Variants in DYNAP observed in about 807,000 individuals in gnomAD.
DYNAP encodes the protein dynactin associated protein.
Under a neutral mutation model 8.5 loss-of-function variants are expected in DYNAP, and 7 were observed. That is an observed-to-expected ratio of 0.82 (90% confidence interval 0.47 to 1.54). The LOEUF (loss-of-function observed/expected upper bound fraction) is 1.54. Among genes scored for constraint, DYNAP ranks in the 40% most tolerant of loss-of-function variants. The pLI, the probability that DYNAP is intolerant of heterozygous loss-of-function variation, is 0.01. For missense variants in DYNAP, 256 were observed against 224.3 expected, an observed-to-expected ratio of 1.14 and a Z score of -0.90; for synonymous variants, 77 against 77.9, an observed-to-expected ratio of 0.99 and a Z score of 0.06.
upstream of DYNAP, among the ~76,000 whole-genome samples, chr18:54,585,408 T>C (rs1385060321): frequency 6.6e-6 from 1 of 152,064 alleles, no homozygotes; most frequent in Admixed American, 6.6e-5. Flanking sequence ...AATACCGATT[T>C]TCATTCTAGC....
At chr18:54,589,286 A>T (rs1212552481), upstream of DYNAP, among the ~76,000 whole-genome samples, 1 of 152,116 alleles carries the variant, frequency 6.6e-6, no homozygotes, top group Non-Finnish European at 1.5e-5. Context: ...CAAGACTTTC[A>T]GATTTCTTTT....
chr18:54,581,049 G>T, the DYNAP span, among the ~76,000 whole-genome samples: 2 of 152,132 alleles, frequency 1.3e-5, no homozygotes, highest in South Asian at 4.1e-4. Context: ...TTCAGCAGTG[G>T]AAATGCAGTT....
chr18:54,577,838 G>A, the DYNAP span, among the ~76,000 whole-genome samples: 2 of 151,706 alleles, frequency 1.3e-5, no homozygotes, highest in African/African-American at 2.4e-5. Flanking sequence ...ACGGTGGCAG[G>A]TGCCTGTAGT....
chr18:54,582,243 A>C, the DYNAP span, among the ~76,000 whole-genome samples: 1 of 152,150 alleles, frequency 6.6e-6, no homozygotes, highest in Admixed American at 6.5e-5. Context: ...CGGAGATCGC[A>C]TCACTGCATT....
At chr18:54,584,678 G>A (rs1910817361), upstream of DYNAP, among the ~76,000 whole-genome samples, 1 of 152,202 alleles carries the variant, frequency 6.6e-6, no homozygotes, top group South Asian at 2.1e-4. Flanking sequence ...GGTAGGAAGA[G>A]AGAGAAGGGC....
chr18:54,590,361 C>A (rs943669602), upstream of DYNAP, among the ~76,000 whole-genome samples: 7 of 152,074 alleles, frequency 4.6e-5, no homozygotes, highest in Admixed American at 2.0e-4. Context: ...CTCTTTAGAA[C>A]AATTTTTTTT....
At chr18:54,595,146 T>C (rs1167124575) in intron 2 of DYNAP, 43 bp downstream of exon 2, 1 of 1,571,912 alleles carries the variant, frequency 6.4e-7, no homozygotes, top group Admixed American at 1.8e-5. Context: ...TGGGATGTGC[T>C]CTATATGGGC....
chr18:54,586,723 G>GA (rs1323042878), upstream of DYNAP, among the ~76,000 whole-genome samples: 2 of 152,102 alleles, frequency 1.3e-5, no homozygotes, highest in African/African-American at 4.8e-5. Flanking sequence ...CTCTAATCTT[G>GA]AGTTTGTAAA....
chr18:54,592,882 A>G lies in DYNAP; in HGVS notation c.57+1543A>G, dbSNP rs552612779. 3.9e-5 allele frequency among the ~76,000 whole-genome samples: 6 copies of G among 152,246 alleles called. No individual in the cohort carries two copies. The South Asian group carries it at 1.0e-3, about 26-fold the overall frequency. On this transcript the variant is annotated intron_variant, in intron 1 of 2. Transcript: ENST00000648945. Reference sequence around the variant, plus strand: ...GGCTGGGATTCTAACAGGGCCAGAAAATTCTGGGAAACTGCCCCACTGAGT... The same window carrying G: ...GGCTGGGATTCTAACAGGGCCAGAAGATTCTGGGAAACTGCCCCACTGAGT...
chr18:54,597,504 CTG>C (rs1911345087), intron 2 of DYNAP, among the ~76,000 whole-genome samples: 2 of 152,130 alleles, frequency 1.3e-5, no homozygotes, highest in Admixed American at 6.6e-5. Flanking sequence ...TGGGAAATCT[CTG>C]TATTTCCTGC....
upstream of DYNAP, among the ~76,000 whole-genome samples, chr18:54,588,391 G>T (rs1434112920): frequency 1.3e-5 from 2 of 151,872 alleles, no homozygotes; most frequent in Non-Finnish European, 2.9e-5. Flanking sequence ...TTTTTTTAGA[G>T]ACAGGGTTTC....
chr18:54,595,095 A>C lies in DYNAP; in HGVS notation c.214A>C (p.Asn72His). 6.2e-7 allele frequency: 1 copy of C among 1,611,552 alleles called. No individual in the cohort carries two copies. Among genetic ancestry groups the C allele is most frequent in the Non-Finnish European group, 8.5e-7 (1 of 1,178,482 alleles). Residue 72 changes from asparagine (N) to histidine (H), a missense_variant, in exon 2 of 3, where the codon AAC becomes CAC. Transcript: ENST00000648945. ...AAGATGTCTACAGTCAGAATCCTGT[A>C]ACACACAGGTAATGTGTAGCACGGG... ...HSRCLQSESC[N>H]TQVKEYCRND...
intron 1 of DYNAP, among the ~76,000 whole-genome samples, chr18:54,592,386 A>G (rs1911115154): frequency 6.6e-6 from 1 of 152,138 alleles, no homozygotes; most frequent in Non-Finnish European, 1.5e-5. Context: ...TTTTTACAGC[A>G]TATATCTGGA....
At chr18:54,590,236 G>C (rs907690412), upstream of DYNAP, among the ~76,000 whole-genome samples, 1 of 151,978 alleles carries the variant, frequency 6.6e-6, no homozygotes, top group Non-Finnish European at 1.5e-5. Flanking sequence ...ACTATTCTAG[G>C]TATGTTATAT....
At chr18:54,579,653 T>A in the DYNAP span, among the ~76,000 whole-genome samples, 1 of 152,360 alleles carries the variant, frequency 6.6e-6, no homozygotes, top group East Asian at 1.9e-4. Flanking sequence ...TAAGTATATT[T>A]GTTGAATGGT....
chr18:54,583,138 A>G (rs76179434), upstream of DYNAP, among the ~76,000 whole-genome samples: 636 of 152,276 alleles, frequency 4.2e-3, 3 homozygotes, highest in African/African-American at 0.014. Flanking sequence ...GCAGAAAGGA[A>G]TATAGTTATC....
At position 54,598,317 on chromosome 18, in the gene DYNAP, A is replaced by C. The variant is rs2144894702; in HGVS notation, c.*172A>C. The C allele has an allele frequency of 1.5e-6, 1 of 653,106 alleles. No homozygotes were observed. The highest frequency in any genetic ancestry group is 2.5e-6 in the Non-Finnish European group (1 of 400,820). 40.5% of individuals were successfully genotyped at this position (653,106 alleles called of 1,614,324 possible). On this transcript the variant is annotated 3_prime_UTR_variant, in exon 3 of 3. Transcript: ENST00000648945. ...ACAAAATCAAGTCCTACTTCAACTT[A>C]AACTTACTTGACAACTCAAATAATC...
At chr18:54,585,951 C>T (rs1910862681), upstream of DYNAP, among the ~76,000 whole-genome samples, 1 of 152,160 alleles carries the variant, frequency 6.6e-6, no homozygotes, top group Admixed American at 6.5e-5. Context: ...GCTACTGCAG[C>T]CCTGAACAGG....
At position 54,598,261 on chromosome 18, in the gene DYNAP, T is replaced by A; in HGVS notation, c.*116T>A. ...CAAGTGGAATCATGGCTGCAGTCAC[T>A]TTAACAGACTCTATAACCGTTACAA... On this transcript the variant is annotated 3_prime_UTR_variant, in exon 3 of 3. Coordinates refer to ENST00000648945, the MANE Select transcript of DYNAP (RefSeq NM_173629.3). The A allele has an allele frequency of 9.2e-7, 1 of 1,081,430 alleles. No homozygotes were observed. The highest frequency in any genetic ancestry group is 1.6e-5 in the South Asian group (1 of 61,936). The allele number at this position is 1,081,430 out of a possible 1,614,324, so 67.0% of individuals were successfully genotyped here. A position where few individuals can be genotyped will look rare whatever the true frequency, so the allele number is the denominator to read the frequency against.
Sources: allele counts gnomAD v4.1 joint callset (sites outside exome capture counted in the v4.1 genomes callset), GRCh38; gene constraint gnomAD v4.1.1; transcripts MANE v1.5; gene names NCBI Gene and HGNC (gene_info 2026-07-23, HGNC 2026-07-21).